TNPO3: variants seen among roughly 807,000 people sequenced by gnomAD.
TNPO3 encodes transportin-3.
A neutral mutation model predicts 122.8 loss-of-function variants in TNPO3; 65 were observed. The observed-to-expected ratio is 0.53, with a 90% CI of 0.43 to 0.65. TNPO3 has a LOEUF of 0.65. TNPO3 is among the 30% of genes least tolerant of loss of function. The pLI is 0.00. For missense variants in TNPO3, 850 were observed against 1,136.7 expected, an observed-to-expected ratio of 0.75 and a Z score of 3.63; for synonymous variants, 372 against 411.2, an observed-to-expected ratio of 0.90 and a Z score of 1.15.
intron 5 of TNPO3, 135 bp downstream of exon 5, chr7:129,004,881 G>GA: frequency 1.3e-6 from 1 of 762,302 alleles, no homozygotes; most frequent in Non-Finnish European, 2.1e-6. Flanking sequence ...TCGTAGCAAG[G>GA]AAGGAACATT....
At chr7:128,956,452 C>T (rs745424766) in intron 22 of TNPO3, among the ~76,000 whole-genome samples, 1 of 152,176 alleles carries the variant, frequency 6.6e-6, no homozygotes, top group Non-Finnish European at 1.5e-5. Context: ...AGACGGAAAG[C>T]ACGTGGAGAA....
intron 20 of TNPO3, among the ~76,000 whole-genome samples, 182 bp from the exon 21 acceptor site, chr7:128,967,574 C>A (rs1331909044): frequency 6.6e-6 from 1 of 152,218 alleles, no homozygotes; most frequent in Non-Finnish European, 1.5e-5. Flanking sequence ...TGGGTTGATG[C>A]AGTCTGCATA....
At position 129,001,137 on chromosome 7, in the gene TNPO3, A is replaced by G. The variant is rs1801903917; in HGVS notation, c.794T>C (p.Leu265Ser). The change falls in exon 6 of 23, where the codon TTA (leucine) becomes TCA (serine). Residue 265 changes from leucine (L) to serine (S), a missense_variant. By Grantham distance (145) the Leu-to-Ser change is moderately radical (BLOSUM62 -2). Coordinates refer to ENST00000265388, the MANE Select transcript of TNPO3 (RefSeq NM_012470.4). ...CACTCCCTGAAAAAGTTGCATGGCT[A>G]ATGGCAAGTTAGTCTCCACATTCTC... ...AIENVETNLP[L>S]AMQLFQGVLT... 1.9e-6 allele frequency: 3 copies of G among 1,614,172 alleles called. No individual in the cohort carries two copies. The highest frequency in any genetic ancestry group is 2.5e-6 in the Non-Finnish European group (3 of 1,180,004).
chr7:129,007,826 A>C (rs1321639287), intron 4 of TNPO3, among the ~76,000 whole-genome samples: 1 of 152,258 alleles, frequency 6.6e-6, no homozygotes, highest in Admixed American at 6.5e-5. Flanking sequence ...CACAAGAGGC[A>C]CAGAGTAAAT....
rs759544679 is a variant in TNPO3 at position 129,054,720 on chromosome 7, C to G, written c.51G>C (p.Ala17=). 1.2e-6 allele frequency: 2 copies of G among 1,614,210 alleles called. No homozygotes were observed. Among genetic ancestry groups the G allele is most frequent in the African/African-American group, 2.7e-5 (2 of 75,068 alleles). ...TLQLVYQAVQ[A]LYHDPDPSGK... is the part of the protein sequence containing the mutation. ...CGCTGGGATCTGGGTCGTGGTAAAG[C>G]GCCTGCACTGCCTGGTACACGAGCT... The change falls in exon 1 of 23, where the codon GCG becomes GCC. Residue 17 remains alanine, a synonymous_variant. Coordinates refer to ENST00000265388, the MANE Select transcript of TNPO3 (RefSeq NM_012470.4).
intron 1 of TNPO3, among the ~76,000 whole-genome samples, chr7:129,046,947 G>C (rs1320660889): frequency 6.6e-6 from 1 of 152,102 alleles, no homozygotes; most frequent in African/African-American, 2.4e-5. Context: ...AAATCGGGGG[G>C]TATTATTACA....
At position 128,955,288 on chromosome 7, in the gene TNPO3, G is replaced by C; in HGVS notation, c.*129C>G. The C allele has an allele frequency of 2.2e-6, 1 of 454,812 alleles. No homozygotes were observed. Among genetic ancestry groups the C allele is most frequent in the Non-Finnish European group, 4.4e-6 (1 of 226,808 alleles). The allele number at this position is 454,812 out of a possible 1,614,324, so 28.2% of individuals were successfully genotyped here. On this transcript the variant is annotated 3_prime_UTR_variant, in exon 23 of 23. Coordinates refer to ENST00000265388, the MANE Select transcript of TNPO3 (RefSeq NM_012470.4). Reference sequence around the variant, plus strand: ...TCTCCCTGTCTGGCGGGACACCCTGGTGGCGGTGAAGGCCCCTCTGCCACA... The same window carrying C: ...TCTCCCTGTCTGGCGGGACACCCTGCTGGCGGTGAAGGCCCCTCTGCCACA...
chr7:129,014,394 A>G (rs900545429), intron 4 of TNPO3, among the ~76,000 whole-genome samples: 1 of 152,094 alleles, frequency 6.6e-6, no homozygotes, highest in African/African-American at 2.4e-5. Context: ...ATGGTGGCGC[A>G]CACCTGTAGT....
In TNPO3 at chr7:128,974,826, T is replaced by C. The variant is rs778896623; in HGVS notation, c.2273+42A>G. The C allele has an allele frequency of 1.5e-5, 22 of 1,494,126 alleles. 1 individual carries two copies. Among genetic ancestry groups the C allele is most frequent in the South Asian group, 4.5e-5 (4 of 88,544 alleles). The allele number at this position is 1,494,126 out of a possible 1,614,324, so 92.6% of individuals were successfully genotyped here. A position where few individuals can be genotyped will look rare whatever the true frequency, so the allele number is the denominator to read the frequency against. On this transcript the variant is annotated intron_variant, in intron 18 of 22. Transcript: ENST00000265388. ...GTCAGATGGCAAGACTAAGCAGTGA[T>C]AGGATGAGCAATTAAGAAATGGGCT...
At chr7:129,010,639 T>C (rs977174621) in intron 4 of TNPO3, among the ~76,000 whole-genome samples, 1 of 152,202 alleles carries the variant, frequency 6.6e-6, no homozygotes, top group Non-Finnish European at 1.5e-5. Context: ...CAGACTTTCA[T>C]CTTAATCCAG....
At chr7:128,966,428 A>G (rs904322581) in intron 21 of TNPO3, among the ~76,000 whole-genome samples, 1 of 152,210 alleles carries the variant, frequency 6.6e-6, no homozygotes, top group Non-Finnish European at 1.5e-5. Flanking sequence ...CAAAAAGACT[A>G]TCAGGGCAAA....
At chr7:128,980,443 A>G (rs963194888) in intron 14 of TNPO3, among the ~76,000 whole-genome samples, 7 of 152,154 alleles carry the variant, frequency 4.6e-5, no homozygotes, top group Non-Finnish European at 1.0e-4. Flanking sequence ...ACCCGTCTCT[A>G]CTAAAAATAC....
chr7:128,964,400 A>G (rs570961280), intron 21 of TNPO3, among the ~76,000 whole-genome samples: 2 of 148,960 alleles, frequency 1.3e-5, no homozygotes, highest in African/African-American at 5.0e-5. Context: ...CAGTGGTGCA[A>G]TCTCGGCTCA....
intron 1 of TNPO3, among the ~76,000 whole-genome samples, chr7:129,039,388 C>A (rs1339613170): frequency 6.6e-6 from 1 of 151,974 alleles, no homozygotes; most frequent in Non-Finnish European, 1.5e-5. Context: ...ATAGTGAAAC[C>A]CCATCTCTAG....
At chr7:129,052,318 C>A (rs939455778) in intron 1 of TNPO3, among the ~76,000 whole-genome samples, 1 of 152,190 alleles carries the variant, frequency 6.6e-6, no homozygotes, top group Non-Finnish European at 1.5e-5. Flanking sequence ...TATGTCCCTT[C>A]GGCTGAAAGT....
chr7:129,003,854 TC>T (rs1563100064), intron 5 of TNPO3, among the ~76,000 whole-genome samples: 1 of 152,194 alleles, frequency 6.6e-6, no homozygotes. Flanking sequence ...TCTTCCTTAC[TC>T]CAATTCCAAT....
chr7:129,026,085 C>T (rs1050661328), intron 1 of TNPO3, among the ~76,000 whole-genome samples: 15 of 149,068 alleles, frequency 1.0e-4, no homozygotes, highest in Non-Finnish European at 1.9e-4. Context: ...GAGATCATGC[C>T]ATTGCACTCC....
At chr7:128,987,298 A>T (rs931374238) in intron 11 of TNPO3, among the ~76,000 whole-genome samples, 1 of 152,236 alleles carries the variant, frequency 6.6e-6, no homozygotes, top group Non-Finnish European at 1.5e-5. Context: ...CCGAGGGATG[A>T]ATTACTTGGT....
At chr7:128,994,101 C>G (rs182451317) in intron 8 of TNPO3, among the ~76,000 whole-genome samples, 187 bp from the exon 9 acceptor site, 1 of 152,168 alleles carries the variant, frequency 6.6e-6, no homozygotes, top group East Asian at 1.9e-4. Context: ...CAAGTCAAGA[C>G]AACCTATTCT....
Sources: allele counts gnomAD v4.1 joint callset (sites outside exome capture counted in the v4.1 genomes callset), GRCh38; gene constraint gnomAD v4.1.1; transcripts MANE v1.5; gene names NCBI Gene and HGNC (gene_info 2026-07-23, HGNC 2026-07-21).